The following WLS variants were observed in gnomAD, a reference collection of about 807,000 sequenced individuals.
WLS encodes the protein protein wntless homolog.
In WLS, 23 loss-of-function variants were observed where a neutral mutation model predicts 62.8. The ratio of observed to expected loss-of-function variants is 0.37; its 90% CI spans 0.26 to 0.52. The LOEUF (loss-of-function observed/expected upper bound fraction) is 0.52. Among genes scored for constraint, WLS ranks in the 20% least tolerant of loss-of-function variants. The pLI, the probability that WLS is intolerant of heterozygous loss-of-function variation, is 0.92. For synonymous variants in WLS, 246 were observed against 244.1 expected, an observed-to-expected ratio of 1.01 and a Z score of -0.07; for missense variants, 615 against 697.3, an observed-to-expected ratio of 0.88 and a Z score of 1.33.
chr1:68,159,656 C>A (rs2100498888), intron 2 of WLS, among the ~76,000 whole-genome samples: 1 of 152,318 alleles, frequency 6.6e-6, no homozygotes, highest in Middle Eastern at 3.4e-3. Context: ...CATCTGCCTG[C>A]ATTCTCTTTC....
chr1:68,112,448 C>T (rs1646240086), intron 11 of WLS, among the ~76,000 whole-genome samples: 1 of 152,218 alleles, frequency 6.6e-6, no homozygotes. Flanking sequence ...GCCTCCACGG[C>T]CTGACATTCA....
At chr1:68,130,956 C>T (rs186937192) in intron 11 of WLS, among the ~76,000 whole-genome samples, 8 of 135,154 alleles carry the variant, frequency 5.9e-5, no homozygotes, top group East Asian at 4.4e-4. Flanking sequence ...TGGAGTGGAG[C>T]GATCTCAGCA....
chr1:68,178,075 G>A (rs1311172507), intron 2 of WLS, among the ~76,000 whole-genome samples: 1 of 152,154 alleles, frequency 6.6e-6, no homozygotes, highest in African/African-American at 2.4e-5. Context: ...GTCTCTCCAA[G>A]CTCTTTCACT....
intron 11 of WLS, chr1:68,117,338 T>A (rs1231056010): frequency 1.5e-4 from 23 of 152,128 alleles, no homozygotes; most frequent in Admixed American, 1.5e-3. Context: ...CCCAGAGAGG[T>A]ACTATAGCTT....
Position 68,137,688 on chromosome 1 carries a change from C to T in WLS, c.1516+92G>A, listed in dbSNP as rs1570868503. On this transcript the variant is annotated intron_variant, in intron 11 of 11. Transcript: ENST00000262348. ...GAGTATACTTGGAGGGAAAGTTTCA[C>T]TGGGCATCTCAGAGCTTTAGCCATT... 3.5e-6 allele frequency: 5 copies of T among 1,414,082 alleles called. No homozygotes were observed. The East Asian group carries it at 1.2e-4, about 33-fold the overall frequency. 87.6% of individuals were successfully genotyped at this position (1,414,082 alleles called of 1,614,324 possible).
At chr1:68,174,071 G>A (rs781539055) in intron 2 of WLS, among the ~76,000 whole-genome samples, 2 of 152,132 alleles carry the variant, frequency 1.3e-5, no homozygotes, top group African/African-American at 4.8e-5. Context: ...AGTCTGCCTT[G>A]CCCAGGGAAG....
chr1:68,158,417 C>T (rs1646929276), intron 3 of WLS, among the ~76,000 whole-genome samples: 1 of 152,134 alleles, frequency 6.6e-6, no homozygotes, highest in South Asian at 2.1e-4. Flanking sequence ...TTAATATCCG[C>T]TTTGACTCTC....
chr1:68,127,030 A>T (rs1012726341), intron 11 of WLS: 1 of 360,272 alleles, frequency 2.8e-6, no homozygotes, highest in African/African-American at 2.2e-5. Flanking sequence ...GACTCTAAAA[A>T]AAAAATTTGT....
At chr1:68,226,559 C>T (rs931296021) in intron 1 of WLS, among the ~76,000 whole-genome samples, 1 of 152,106 alleles carries the variant, frequency 6.6e-6, no homozygotes, top group South Asian at 2.1e-4. Context: ...CATACATTCT[C>T]GAATTCCCAA....
At chr1:68,131,104 GGTTTC>G (rs1646515394) in intron 11 of WLS, among the ~76,000 whole-genome samples, 1 of 27,886 alleles carries the variant, frequency 3.6e-5, no homozygotes, top group Non-Finnish European at 1.2e-4. Context: ...GTAGAGACAG[GGTTTC>G]ACCGCATTAG....
intron 1 of WLS, among the ~76,000 whole-genome samples, chr1:68,195,481 A>G (rs1240404947): frequency 2.0e-5 from 3 of 152,214 alleles, no homozygotes; most frequent in Non-Finnish European, 2.9e-5. Flanking sequence ...CCATTATATC[A>G]TATTTTCTTT....
chr1:68,121,121 C>T (rs947340702), downstream of WLS: 2 of 152,102 alleles, frequency 1.3e-5, no homozygotes. Flanking sequence ...TACCATTTTC[C>T]TAGGACATCA....
At chr1:68,150,410 T>C in intron 5 of WLS, 54 bp from the exon 6 acceptor site, 1 of 1,597,680 alleles carries the variant, frequency 6.3e-7, no homozygotes, top group Non-Finnish European at 8.6e-7. Context: ...AAGGCAGATT[T>C]TCAAACAATT....
chr1:68,190,699 TGA>T (rs1342259291), intron 2 of WLS, among the ~76,000 whole-genome samples: 4 of 151,980 alleles, frequency 2.6e-5, no homozygotes, highest in Non-Finnish European at 5.9e-5. Context: ...ATTGCAACCT[TGA>T]GAGAGTTTGA....
At position 68,194,181 on chromosome 1, in the gene WLS, C is replaced by T. The variant is rs748932143; in HGVS notation, c.153G>A (p.Val51=). 4.4e-5 allele frequency: 71 copies of T among 1,614,058 alleles called. No homozygotes were observed. Among genetic ancestry groups the T allele is most frequent in the Non-Finnish European group, 5.9e-5 (70 of 1,180,032 alleles). ...TCTTGTGATGGTTCTTACGGGCATC[C>T]ACACATTTCACCGACATGTAGGACA... is the stretch of plus-strand genomic sequence containing the variant. ...TAVSYMSVKC[V]DARKNHHKTK... Residue 51 remains valine (V), a synonymous_variant, in exon 2 of 12, where the codon GTG becomes GTA. Transcript: ENST00000262348.
At chr1:68,192,554 G>A (rs1156254076) in intron 2 of WLS, among the ~76,000 whole-genome samples, 3 of 150,558 alleles carry the variant, frequency 2.0e-5, no homozygotes, top group Non-Finnish European at 4.4e-5. Flanking sequence ...TCCAGCCCAG[G>A]CAAAAGAGAA....
chr1:68,110,970 T>G (rs145989127), intron 11 of WLS, among the ~76,000 whole-genome samples: 10 of 152,274 alleles, frequency 6.6e-5, no homozygotes, highest in African/African-American at 2.4e-4. Context: ...TTTTATAATC[T>G]TGAAATTTAT....
intron 10 of WLS, 100 bp downstream of exon 10, chr1:68,144,469 C>T (rs1463320088): frequency 8.6e-7 from 1 of 1,158,712 alleles, no homozygotes; most frequent in Non-Finnish European, 1.2e-6. Context: ...AGAATTATGG[C>T]CTCTCTCCTC....
downstream of WLS, among the ~76,000 whole-genome samples, chr1:68,124,828 A>G (rs1344901640): frequency 6.6e-6 from 1 of 152,214 alleles, no homozygotes; most frequent in South Asian, 2.1e-4. Flanking sequence ...TCCAGACCTC[A>G]GTGTCTGAAA....
Sources: gnomAD v4.1 joint callset for allele counts (sites outside exome capture counted in the v4.1 genomes callset) on GRCh38, gnomAD v4.1.1 for gene constraint, MANE v1.5 for transcripts, NCBI Gene and HGNC (gene_info 2026-07-23, HGNC 2026-07-21) for gene names.